Variants in ZNF541 observed in about 807,000 individuals in gnomAD.
The protein encoded by ZNF541 is zinc finger protein 541.
Under a neutral mutation model 123.5 loss-of-function variants are expected in ZNF541, and 23 were observed. The observed-to-expected ratio is 0.19, with a 90% CI of 0.13 to 0.26. ZNF541 has a LOEUF of 0.26. Ranked by LOEUF, ZNF541 falls within the 10% of genes least tolerant of loss-of-function variation. The pLI is 1.00. For missense variants in ZNF541, 1,612 were observed against 1,789.9 expected, an observed-to-expected ratio of 0.90 and a Z score of 1.79; for synonymous variants, 751 against 754.5, an observed-to-expected ratio of 1.00 and a Z score of 0.08.
At chr19:47,565,233 AAAATCTTAC>A (rs1971217508) in intron 2 of ZNF541, among the ~76,000 whole-genome samples, 3 of 152,108 alleles carry the variant, frequency 2.0e-5, no homozygotes, top group Non-Finnish European at 2.9e-5. Flanking sequence ...TGGGTACACT[AAAATCTTAC>A]AAATCACCAC....
At position 47,545,116 on chromosome 19, in the gene ZNF541, A is replaced by C. The variant is rs1228448260; in HGVS notation, c.1413T>G (p.Ala471=). 1.3e-6 allele frequency: 2 copies of C among 1,482,148 alleles called. No homozygotes were observed. The highest frequency in any genetic ancestry group is 1.8e-6 in the Non-Finnish European group (2 of 1,118,606). 91.8% of individuals were successfully genotyped at this position (1,482,148 alleles called of 1,614,324 possible). A position where few individuals can be genotyped will look rare whatever the true frequency, so the allele number is the denominator to read the frequency against. ...TGAGGAGCGCGGCAGGGAAGGGCAG[A>C]GCATCCTCCAGGCCACCGCCGGGGC... ...PPGPGGGLED[A]LPFPAALLRV... The change falls in exon 5 of 17, where the codon GCT becomes GCG. Residue 471 remains alanine, a synonymous_variant. Coordinates refer to ENST00000391901, the MANE Select transcript of ZNF541 (RefSeq NM_001277075.3). The surrounding 1 kb of genome is among the most constrained non-coding windows in gnomAD (Gnocchi z 7.5).
At chr19:47,549,197 C>T (rs921039045) in intron 4 of ZNF541, 48 bp downstream of exon 4, 10 of 1,547,166 alleles carry the variant, frequency 6.5e-6, no homozygotes, top group Non-Finnish European at 8.7e-6. Flanking sequence ...AACATGTCCC[C>T]ACCCCCAGCC....
At chr19:47,558,212 C>A (rs187136424) in intron 2 of ZNF541, among the ~76,000 whole-genome samples, 9 of 152,032 alleles carry the variant, frequency 5.9e-5, no homozygotes, top group Non-Finnish European at 1.3e-4. Flanking sequence ...GTCAGGAGAT[C>A]GAGACCATCC....
intron 14 of ZNF541, 71 bp from the exon 15 acceptor site, chr19:47,522,065 CG>C (rs1243847361): frequency 5.2e-6 from 8 of 1,531,190 alleles, no homozygotes; most frequent in Non-Finnish European, 7.0e-6. Flanking sequence ...GCCATTGGGC[CG>C]GCCGCCTCCT....
intron 5 of ZNF541, among the ~76,000 whole-genome samples, chr19:47,542,867 C>G (rs150807336): frequency 0.016 from 2,505 of 152,052 alleles, 28 homozygotes; most frequent in Non-Finnish European, 0.027. Context: ...CTGCTTGAAC[C>G]CAGGAGGCGG....
intron 3 of ZNF541, among the ~76,000 whole-genome samples, chr19:47,555,169 A>G (rs562879411): frequency 1.6e-4 from 24 of 151,254 alleles, no homozygotes; most frequent in Non-Finnish European, 2.8e-4. Flanking sequence ...GGAGATCAAG[A>G]CCATCCTGGC....
chr19:47,521,764 AC>A lies in ZNF541; in HGVS notation c.3711+89del. On this transcript the variant is annotated intron_variant, in intron 15 of 16. Transcript: ENST00000391901. The surrounding 1 kb of genome is among the most constrained non-coding windows in gnomAD (Gnocchi z 4.2). ...GCAGGAAAACCCTTCCATCAGGAGC[AC>A]CCCCGCCCTCTGACCCCACCGTCCA... is the stretch of plus-strand genomic sequence containing the variant. 3 of 1,519,016 alleles carry A rather than the reference AC, an allele frequency of 2.0e-6. No homozygotes were observed. Among genetic ancestry groups the A allele is most frequent in the Non-Finnish European group, 2.7e-6 (3 of 1,129,068 alleles). 94.1% of individuals were successfully genotyped at this position (1,519,016 alleles called of 1,614,324 possible).
intron 14 of ZNF541, among the ~76,000 whole-genome samples, chr19:47,522,220 T>C (rs1454836906): frequency 2.0e-5 from 3 of 152,184 alleles, no homozygotes; most frequent in Admixed American, 6.5e-5. Context: ...GCCTGCACAC[T>C]CTGAGCAGCC....
Position 47,567,236 on chromosome 19 carries a change from TTTAAG to T in ZNF541, c.-99+4655_-99+4659del, listed in dbSNP as rs139706058. Among the ~76,000 whole-genome samples, 1,179 of 152,030 alleles carry T rather than the reference TTTAAG, an allele frequency of 7.8e-3. 12 individuals are homozygous for T. Among genetic ancestry groups the T allele is most frequent in the African/African-American group, 0.027 (1,106 of 41,532 alleles). On this transcript the variant is annotated intron_variant, in intron 2 of 16. Transcript: ENST00000391901. ...TTGAGGAACTAAACTCTTTATTTTA[TTTAAG>T]TTTAGTTAAATTTATTTATTTATTT...
chr19:47,533,848 T>A (rs984268179), intron 9 of ZNF541, among the ~76,000 whole-genome samples: 2 of 151,942 alleles, frequency 1.3e-5, no homozygotes, highest in Non-Finnish European at 1.5e-5. Flanking sequence ...AAATAAAAAA[T>A]AAAAAATAAT....
Position 47,521,714 on chromosome 19 carries a change from A to T in ZNF541, c.3712-60T>A. 6.5e-7 allele frequency: 1 copy of T among 1,534,274 alleles called. No individual in the cohort carries two copies. The highest frequency in any genetic ancestry group is 8.8e-7 in the Non-Finnish European group (1 of 1,135,832). On this transcript the variant is annotated intron_variant, in intron 15 of 16. Transcript: ENST00000391901. This position sits in a 1 kb window ranked among gnomAD's most constrained non-coding sequence, Gnocchi z 4.2. ...ACCTGTCCTGCTGTAAGAGAGACACAGAGCTGGGGGCATACGTGTCTCCTG... is the reference window on the plus strand; with the variant it reads ...ACCTGTCCTGCTGTAAGAGAGACACTGAGCTGGGGGCATACGTGTCTCCTG...
At chr19:47,531,557 TGAACCCCCAA>T in intron 12 of ZNF541, 75 bp downstream of exon 12, 1 of 1,108,228 alleles carries the variant, frequency 9.0e-7, no homozygotes. Flanking sequence ...CCATCCGCTC[TGAACCCCCAA>T]GCAGACAGCA....
intron 14 of ZNF541, among the ~76,000 whole-genome samples, chr19:47,524,897 G>A (rs1327852504): frequency 1.3e-5 from 2 of 151,990 alleles, no homozygotes; most frequent in African/African-American, 2.4e-5. Context: ...ATAAGAACCA[G>A]TAAAACCTTC....
chr19:47,546,186 G>T (rs1484813999), intron 4 of ZNF541, among the ~76,000 whole-genome samples: 1 of 142,356 alleles, frequency 7.0e-6, no homozygotes, highest in Non-Finnish European at 1.5e-5. Context: ...TCACCTTTAA[G>T]CAAACCCCTT....
chr19:47,548,580 C>A (rs1600031263), intron 4 of ZNF541, among the ~76,000 whole-genome samples: 1 of 152,118 alleles, frequency 6.6e-6, no homozygotes, highest in Non-Finnish European at 1.5e-5. Flanking sequence ...TTTCCTCAGA[C>A]ACCTACCAGA....
upstream of ZNF541, among the ~76,000 whole-genome samples, chr19:47,573,194 C>G (rs964337406): frequency 1.3e-5 from 2 of 150,222 alleles, no homozygotes; most frequent in Admixed American, 6.6e-5. Context: ...CGGCCCACCC[C>G]CGGATCTCCT....
At position 47,545,024 on chromosome 19, in the gene ZNF541, T is replaced by C. The variant is rs1250815663; in HGVS notation, c.1505A>G (p.Lys502Arg). ...ASGEDDPCAPKKVKVDCDSFL... is the reference protein window; with the variant it reads ...ASGEDDPCAPRKVKVDCDSFL... ...GGAGTCGCAGTCGACCTTGACCTTC[T>C]TGGGGGCGCAGGGGTCATCTTCCCC... The change falls in exon 5 of 17, where the codon AAG becomes AGG. Residue 502 changes from lysine to arginine, a missense_variant. Physicochemically the swap from Lys to Arg is conservative, Grantham distance 26. Coordinates refer to ENST00000391901, the MANE Select transcript of ZNF541 (RefSeq NM_001277075.3). This position sits in a 1 kb window ranked among gnomAD's most constrained non-coding sequence, Gnocchi z 7.5. 3.3e-6 allele frequency: 5 copies of C among 1,501,900 alleles called. No individual in the cohort carries two copies. Among genetic ancestry groups the C allele is most frequent in the Admixed American group, 2.2e-5 (1 of 45,574 alleles). The allele number at this position is 1,501,900 out of a possible 1,614,324, so 93.0% of individuals were successfully genotyped here.
chr19:47,558,392 G>C (rs1258976179), intron 2 of ZNF541, among the ~76,000 whole-genome samples: 1 of 150,928 alleles, frequency 6.6e-6, no homozygotes, highest in Non-Finnish European at 1.5e-5. Flanking sequence ...CTCCAGCCTG[G>C]GCAACAGAGC....
intron 14 of ZNF541, among the ~76,000 whole-genome samples, chr19:47,528,491 A>G (rs1373424741): frequency 6.6e-6 from 1 of 151,190 alleles, no homozygotes; most frequent in African/African-American, 2.4e-5. Flanking sequence ...TAATTTTTGT[A>G]TTTTTAGTAG....
Sources: gnomAD v4.1 joint callset for allele counts (sites outside exome capture counted in the v4.1 genomes callset) on GRCh38, gnomAD v4.1.1 for gene constraint, Gnocchi (gnomAD v3.1) non-coding constraint, MANE v1.5 for transcripts, NCBI Gene and HGNC (gene_info 2026-07-23, HGNC 2026-07-21) for gene names.